Variants in UGT1A10 observed in about 807,000 individuals in gnomAD.
UGT1A10 encodes UDP glucuronosyltransferase family 1 member A10.
In UGT1A10, 49 loss-of-function variants were observed where a neutral mutation model predicts 45.8. The ratio of observed to expected loss-of-function variants is 1.07; its 90% CI spans 0.85 to 1.36. UGT1A10 has a LOEUF of 1.36. UGT1A10 is among the 40% of genes most tolerant of loss of function. UGT1A10 has a pLI of 0.00. For synonymous variants in UGT1A10, 284 were observed against 249.7 expected, an observed-to-expected ratio of 1.14 and a Z score of -1.29; for missense variants, 745 against 668.6, an observed-to-expected ratio of 1.11 and a Z score of -1.26.
intron 1 of UGT1A10, chr2:233,713,942 C>T (rs2076357751): frequency 6.2e-7 from 1 of 1,610,038 alleles, no homozygotes; most frequent in Non-Finnish European, 8.5e-7. Context: ...GCTTCCATAT[C>T]TACTTATCTT....
At chr2:233,760,284 C>G (rs752018052) in intron 1 of UGT1A10, 1 of 1,612,882 alleles carries the variant, frequency 6.2e-7, no homozygotes, top group Non-Finnish European at 8.5e-7. Context: ...GGAGCAAAGG[C>G]GCCATGGCTG....
Position 233,681,055 on chromosome 2 carries a change from G to A in UGT1A10, c.855+43678G>A, listed in dbSNP as rs565876175. Among the ~76,000 whole-genome samples the A allele has an allele frequency of 7.2e-5, 11 of 151,908 alleles. No homozygotes were observed. In the East Asian group the frequency reaches 2.2e-3, roughly 30 times the overall value. The stretch of plus-strand genomic sequence containing the variant: ...TGAAAAAAGACAAGCAGCACTTGTG[G>A]CTCACCTGTGTCACAATTGTGGCTC... On this transcript the variant is annotated intron_variant, in intron 1 of 4. Transcript: ENST00000344644.
intron 1 of UGT1A10, among the ~76,000 whole-genome samples, chr2:233,684,397 A>C (rs1054221073): frequency 3.9e-5 from 6 of 152,076 alleles, no homozygotes; most frequent in African/African-American, 1.2e-4. Context: ...ACCAGCCATC[A>C]CTCAGGTATT....
Position 233,704,355 on chromosome 2 carries a change from G to A in UGT1A10, c.856-62679G>A, listed in dbSNP as rs188640980. Reference sequence around the variant, plus strand: ...CTATTTAAAAAGTTGTGTTCTGAGCGGTTGTTCTAGGGCTTAGCACATCGA... The same window carrying A: ...CTATTTAAAAAGTTGTGTTCTGAGCAGTTGTTCTAGGGCTTAGCACATCGA... On this transcript the variant is annotated intron_variant, in intron 1 of 4. Coordinates refer to ENST00000344644, the MANE Select transcript of UGT1A10 (RefSeq NM_019075.4). Among the ~76,000 whole-genome samples, 17 of 150,272 alleles carry A rather than the reference G, an allele frequency of 1.1e-4. 1 individual carries two copies. Among genetic ancestry groups the A allele is most frequent in the Admixed American group, 4.6e-4 (7 of 15,102 alleles).
intron 1 of UGT1A10, among the ~76,000 whole-genome samples, chr2:233,710,328 A>G (rs1227895445): frequency 6.6e-6 from 1 of 152,222 alleles, no homozygotes; most frequent in Non-Finnish European, 1.5e-5. Context: ...ATGACTTCAT[A>G]AGAAACAGTC....
At chr2:233,698,537 C>T (rs1177277772) in intron 1 of UGT1A10, among the ~76,000 whole-genome samples, 3 of 152,152 alleles carry the variant, frequency 2.0e-5, no homozygotes, top group Admixed American at 6.5e-5. Context: ...GTAAACAGAA[C>T]ACGAGTGGCC....
chr2:233,743,576 A>T (rs1692358823), intron 1 of UGT1A10: 1 of 1,367,112 alleles, frequency 7.3e-7, no homozygotes, highest in Non-Finnish European at 9.8e-7. Flanking sequence ...GTTTCCCAAG[A>T]GGTCAAAGGA....
chr2:233,718,746 T>C (rs2076680483), intron 1 of UGT1A10: 1 of 1,612,108 alleles, frequency 6.2e-7, no homozygotes, highest in Admixed American at 1.7e-5. Flanking sequence ...AATGACAAGG[T>C]AATTAAGGCG....
chr2:233,702,923 C>T (rs534007977), intron 1 of UGT1A10, among the ~76,000 whole-genome samples: 90 of 152,206 alleles, frequency 5.9e-4, no homozygotes, highest in African/African-American at 1.1e-3. Flanking sequence ...TATTTTCTTG[C>T]GGAGCCTTGG....
chr2:233,729,955 G>A, intron 1 of UGT1A10: 1 of 1,614,014 alleles, frequency 6.2e-7, no homozygotes, highest in African/African-American at 1.3e-5. Flanking sequence ...GGTCTTCATT[G>A]GGGGCATCAA....
intron 1 of UGT1A10, chr2:233,691,488 G>C: frequency 1.0e-6 from 1 of 985,788 alleles, no homozygotes; most frequent in Non-Finnish European, 1.2e-6. Flanking sequence ...ACTTGTGGGT[G>C]GGAACAGGAA....
Position 233,636,670 on chromosome 2 carries a change from C to T in UGT1A10, c.148C>T (p.Leu50Phe), listed in dbSNP as rs1222494702. ...GCAGTCGGTGGTGGAGAAACTTATC[C>T]TCAGGGGGCATGAGGTGGTTGTAGT... ...TMQSVVEKLILRGHEVVVVMP... is the reference protein window; with the variant it reads ...TMQSVVEKLIFRGHEVVVVMP... The change falls in exon 1 of 5, where the codon CTC (leucine) becomes TTC (phenylalanine). Residue 50 changes from leucine to phenylalanine, a missense_variant. By Grantham distance (22) the Leu-to-Phe change is conservative. Coordinates refer to ENST00000344644, the MANE Select transcript of UGT1A10 (RefSeq NM_019075.4). The T allele has an allele frequency of 1.2e-5, 19 of 1,613,942 alleles. No homozygotes were observed. Among genetic ancestry groups the T allele is most frequent in the African/African-American group, 2.7e-5 (2 of 74,886 alleles).
intron 1 of UGT1A10, among the ~76,000 whole-genome samples, chr2:233,745,434 A>C (rs1034656561): frequency 2.6e-5 from 4 of 151,684 alleles, no homozygotes; most frequent in Non-Finnish European, 4.4e-5. Context: ...TTGTGAGGCA[A>C]TACACTAGTA....
intron 1 of UGT1A10, among the ~76,000 whole-genome samples, chr2:233,661,623 T>TTTTCTTTCTTTCTTTTCTTTC (rs1265546183): frequency 0.054 from 6,712 of 123,960 alleles, 389 homozygotes; most frequent in South Asian, 0.093. Context: ...ACTTACTGAA[T>TTTTCTTTCTTTCTTTTCTTTC]TTTCTTTCTT....
intron 1 of UGT1A10, among the ~76,000 whole-genome samples, chr2:233,666,278 C>T (rs987379993): frequency 1.3e-5 from 2 of 152,212 alleles, no homozygotes; most frequent in Non-Finnish European, 2.9e-5. Context: ...TCAAACACCT[C>T]CTGCTAAGCC....
chr2:233,661,683 T>TTTCTTTCTTTC (rs1559329478), intron 1 of UGT1A10, among the ~76,000 whole-genome samples: 2 of 39,388 alleles, frequency 5.1e-5, no homozygotes, highest in African/African-American at 2.4e-4. Context: ...TTCTTTCTTT[T>TTTCTTTCTTTC]TAAACAAAGG....
chr2:233,661,389 G>C (rs1458375111), intron 1 of UGT1A10, among the ~76,000 whole-genome samples: 2 of 151,838 alleles, frequency 1.3e-5, no homozygotes, highest in Non-Finnish European at 2.9e-5. Context: ...GTTTTCACTT[G>C]GTTAAAAAAT....
chr2:233,682,284 T>C, intron 1 of UGT1A10: 3 of 1,614,166 alleles, frequency 1.9e-6, no homozygotes, highest in Non-Finnish European at 2.5e-6. Flanking sequence ...TCCAATGGTA[T>C]TTTTGACTTA....
chr2:233,666,862 A>G (rs545528568), intron 1 of UGT1A10, among the ~76,000 whole-genome samples: 21 of 136,740 alleles, frequency 1.5e-4, no homozygotes, highest in African/African-American at 5.8e-4. Flanking sequence ...ATGTGTTCTC[A>G]TTGTTCAATT....
Sources: allele counts gnomAD v4.1 joint callset (sites outside exome capture counted in the v4.1 genomes callset), GRCh38; gene constraint gnomAD v4.1.1; transcripts MANE v1.5; gene names NCBI Gene and HGNC (gene_info 2026-07-23, HGNC 2026-07-21).